Variants in GLIS1 observed in about 807,000 individuals in gnomAD.
The protein encoded by GLIS1 is zinc finger protein GLIS1.
GLIS1 carries 24 observed loss-of-function variants against 63.8 expected under a neutral mutation model. That is an observed-to-expected ratio of 0.38 (90% CI 0.27 to 0.53). The LOEUF is 0.53. Ranked by LOEUF, GLIS1 falls within the 20% of genes least tolerant of loss-of-function variation. The pLI is 0.85. For synonymous variants in GLIS1, 450 were observed against 482.5 expected, an observed-to-expected ratio of 0.93 and a Z score of 0.88; for missense variants, 1,036 against 1,074.1, an observed-to-expected ratio of 0.96 and a Z score of 0.50.
chr1:53,680,713 G>A (rs1646266012), intron 2 of GLIS1, among the ~76,000 whole-genome samples: 1 of 152,180 alleles, frequency 6.6e-6, no homozygotes, highest in African/African-American at 2.4e-5. Flanking sequence ...ACTATCTGCT[G>A]AATGAATGAA....
chr1:53,696,009 G>A (rs551731159), intron 2 of GLIS1, among the ~76,000 whole-genome samples: 9 of 152,280 alleles, frequency 5.9e-5, no homozygotes, highest in African/African-American at 2.2e-4. Flanking sequence ...CAGTCAGCAG[G>A]CTGCACTCCA....
At chr1:53,637,194 A>G (rs1406329752) in intron 2 of GLIS1, among the ~76,000 whole-genome samples, 1 of 151,080 alleles carries the variant, frequency 6.6e-6, no homozygotes, top group Admixed American at 6.6e-5. Flanking sequence ...CAGGCTGGCA[A>G]TGGCCACACA....
chr1:53,545,516 C>T (rs1644688665), intron 4 of GLIS1, among the ~76,000 whole-genome samples: 2 of 152,210 alleles, frequency 1.3e-5, no homozygotes, highest in African/African-American at 4.8e-5. Flanking sequence ...AAATCAAGTA[C>T]CTAAACAGTA....
At chr1:53,632,588 G>A (rs1171280833) in intron 2 of GLIS1, among the ~76,000 whole-genome samples, 1 of 150,042 alleles carries the variant, frequency 6.7e-6, no homozygotes, top group Admixed American at 6.6e-5. Context: ...GTGAATGAGT[G>A]TGACTGAGGG....
intron 2 of GLIS1, among the ~76,000 whole-genome samples, chr1:53,723,384 G>A (rs900456480): frequency 5.9e-5 from 9 of 151,702 alleles, no homozygotes; most frequent in Admixed American, 2.0e-4. Context: ...GATCACAGGT[G>A]CGTGCCACTA....
chr1:53,594,057 C>A, intron 4 of GLIS1, 51 bp downstream of exon 4: 1 of 1,555,802 alleles, frequency 6.4e-7, no homozygotes, highest in South Asian at 1.2e-5. Context: ...GGGGTGAGTG[C>A]TGCTCTGCCA....
chr1:53,570,915 C>T (rs1281732635), intron 4 of GLIS1, among the ~76,000 whole-genome samples: 1 of 152,100 alleles, frequency 6.6e-6, no homozygotes, highest in Non-Finnish European at 1.5e-5. Context: ...GGACATTTTA[C>T]TGCAGACACA....
chr1:53,542,834 C>T (rs1306148781), intron 4 of GLIS1, among the ~76,000 whole-genome samples: 1 of 152,208 alleles, frequency 6.6e-6, no homozygotes, highest in Non-Finnish European at 1.5e-5. Flanking sequence ...GGCATCCAGG[C>T]AGGACTCTGG....
At chr1:53,584,612 T>G (rs955666028) in intron 4 of GLIS1, among the ~76,000 whole-genome samples, 4 of 152,154 alleles carry the variant, frequency 2.6e-5, no homozygotes, top group Non-Finnish European at 4.4e-5. Flanking sequence ...TGTTGAAAGG[T>G]TGGTGGCCAG....
At chr1:53,724,981 G>A (rs1290189056) in intron 2 of GLIS1, among the ~76,000 whole-genome samples, 1 of 152,152 alleles carries the variant, frequency 6.6e-6, no homozygotes, top group Admixed American at 6.6e-5. Flanking sequence ...CAAGCAATGG[G>A]AATTTAGTTT....
At chr1:53,544,508 ACC>A (rs1246602307) in intron 4 of GLIS1, among the ~76,000 whole-genome samples, 3 of 151,754 alleles carry the variant, frequency 2.0e-5, no homozygotes, top group African/African-American at 7.3e-5. Flanking sequence ...CAGCAGGGAG[ACC>A]CCTAAATTGC....
chr1:53,526,209 G>A lies in GLIS1; in HGVS notation c.1483-1322C>T, dbSNP rs1285950915. Among the ~76,000 whole-genome samples the A allele has an allele frequency of 1.3e-5, 2 of 152,132 alleles. No homozygotes were observed. The highest frequency in any genetic ancestry group is 2.4e-5 in the African/African-American group (1 of 41,408). On this transcript the variant is annotated intron_variant, in intron 5 of 10. Coordinates refer to ENST00000628545, the MANE Select transcript of GLIS1 (RefSeq NM_001367484.1). This position sits in a 1 kb window ranked among gnomAD's most constrained non-coding sequence, Gnocchi z 4.4. ...GCCATGTCCTGCCAGACACACCCAC[G>A]TGGAACTGCCCCCAGGACCTCAAGG... is the stretch of plus-strand genomic sequence containing the variant.
At chr1:53,555,216 G>A (rs1202426362) in intron 4 of GLIS1, among the ~76,000 whole-genome samples, 1 of 152,236 alleles carries the variant, frequency 6.6e-6, no homozygotes, top group East Asian at 1.9e-4. Flanking sequence ...TCTGAAGGCT[G>A]CTGAGAGAGA....
chr1:53,594,109 A>G lies in GLIS1; in HGVS notation c.1319T>C (p.Met440Thr), dbSNP rs775513632. Residue 440 changes from methionine to threonine, a missense_variant and splice_region_variant, in exon 4 of 11, where the codon ATG becomes ACG. Coordinates refer to ENST00000628545, the MANE Select transcript of GLIS1 (RefSeq NM_001367484.1). ...VHSGEKPNKC[M>T]FEGCSKAFSR... The stretch of plus-strand genomic sequence containing the variant: ...GCCTGGCGGCCGGTGGGAACTCACC[A>G]TGCACTTGTTGGGCTTCTCGCCCGA... 6.2e-7 allele frequency: 1 copy of G among 1,606,936 alleles called. No individual in the cohort carries two copies. The highest frequency in any genetic ancestry group is 1.1e-5 in the South Asian group (1 of 90,522).
At position 53,594,433 on chromosome 1, in the gene GLIS1, A is replaced by G; in HGVS notation, c.995T>C (p.Phe332Ser). The G allele has an allele frequency of 6.2e-7, 1 of 1,612,860 alleles. No homozygotes were observed. The highest frequency in any genetic ancestry group is 1.1e-5 in the South Asian group (1 of 91,086). ...CGGCAGGCCCTGCTGGTGAGGCCCA[A>G]AGAGCTCTGAAAACTCATCCGCGGG... ...QEPADEFSEL[F>S]GPHQQGLPPP... is the part of the protein sequence containing the mutation. Residue 332 changes from phenylalanine (F) to serine (S), a missense_variant, in exon 4 of 11, where the codon TTT becomes TCT. Transcript: ENST00000628545.
intron 2 of GLIS1, among the ~76,000 whole-genome samples, chr1:53,685,845 T>C (rs1646330757): frequency 6.6e-6 from 1 of 152,130 alleles, no homozygotes; most frequent in Non-Finnish European, 1.5e-5. Flanking sequence ...CAGCCAGATC[T>C]GCTGGGAGCC....
At chr1:53,597,537 G>C (rs1645271455) in intron 3 of GLIS1, among the ~76,000 whole-genome samples, 1 of 152,116 alleles carries the variant, frequency 6.6e-6, no homozygotes, top group South Asian at 2.1e-4. Context: ...ATTAGTATTA[G>C]AGAGTTAGGC....
chr1:53,543,957 C>A (rs557811533), intron 4 of GLIS1, among the ~76,000 whole-genome samples: 3 of 152,178 alleles, frequency 2.0e-5, no homozygotes, highest in African/African-American at 7.2e-5. Context: ...AGGAAGGGGC[C>A]CCTGAGGAGA....
intron 4 of GLIS1, among the ~76,000 whole-genome samples, chr1:53,532,410 G>C (rs1177275696): frequency 6.6e-6 from 1 of 152,196 alleles, no homozygotes; most frequent in East Asian, 1.9e-4. Flanking sequence ...CTGTCCCCTG[G>C]AAGCCCAGTC....
Sources: allele counts gnomAD v4.1 joint callset (sites outside exome capture counted in the v4.1 genomes callset), GRCh38; gene constraint gnomAD v4.1.1; non-coding constraint Gnocchi (gnomAD v3.1); transcripts MANE v1.5; gene names NCBI Gene and HGNC (gene_info 2026-07-23, HGNC 2026-07-21).